SMAD2: variants seen among roughly 807,000 people sequenced by gnomAD.
The protein encoded by SMAD2 is MAD homolog 2.
SMAD2 carries 8 observed loss-of-function variants against 64.4 expected under a neutral mutation model. That is an observed-to-expected ratio of 0.12 (90% CI 0.07 to 0.22). The LOEUF (loss-of-function observed/expected upper bound fraction) is 0.22. Among genes scored for constraint, SMAD2 ranks in the 10% least tolerant of loss-of-function variants. SMAD2 has a pLI of 1.00. For synonymous variants in SMAD2, 203 were observed against 195.8 expected, an observed-to-expected ratio of 1.04 and a Z score of -0.31; for missense variants, 289 against 561.2, an observed-to-expected ratio of 0.51 and a Z score of 4.90.
Position 47,830,208 on chromosome 18 carries a change from T to G in SMAD2, c.*11619A>C, listed in dbSNP as rs1912932112. The G allele has an allele frequency of 6.6e-6, 1 of 151,970 alleles. No individual in the cohort carries two copies. The highest frequency in any genetic ancestry group is 2.4e-5 in the African/African-American group (1 of 41,358). The allele number at this position is 151,970 out of a possible 1,614,324, so 9.4% of individuals were successfully genotyped here. ...CTTGGGTAAAACAGACACTAATAAG[T>G]TTTTTTTCAATATAAAAGAGCAACC... On this transcript the variant is annotated 3_prime_UTR_variant, in exon 11 of 11. Transcript: ENST00000262160.
At chr18:47,907,752 G>A (rs2033962696) in intron 1 of SMAD2, among the ~76,000 whole-genome samples, 1 of 152,054 alleles carries the variant, frequency 6.6e-6, no homozygotes, top group Non-Finnish European at 1.5e-5. Context: ...TGGAGTTCAA[G>A]ACCAGTATGA....
Position 47,846,205 on chromosome 18 carries a change from T to C in SMAD2, c.998-405A>G, listed in dbSNP as rs191777365. On this transcript the variant is annotated intron_variant, in intron 8 of 10. Coordinates refer to ENST00000262160, the MANE Select transcript of SMAD2 (RefSeq NM_005901.6). ...CCACTTAATGTTAAGAAAAAAGATG[T>C]AAAAACATCAAAAAGTCATTTGCCA... 1.6e-4 allele frequency among the ~76,000 whole-genome samples: 24 copies of C among 152,250 alleles called. 1 individual carries two copies. Among genetic ancestry groups the C allele is most frequent in the Admixed American group, 7.2e-4 (11 of 15,288 alleles).
chr18:47,916,658 C>T lies in SMAD2; in HGVS notation c.-54+13703G>A, dbSNP rs560250687. On this transcript the variant is annotated intron_variant, in intron 1 of 10. Coordinates refer to ENST00000262160, the MANE Select transcript of SMAD2 (RefSeq NM_005901.6). ...GACTTCAAGTGATCGCCCACCTTGG[C>T]CTCCCAAAGTGGTAGCCACCATGCC... Among the ~76,000 whole-genome samples the T allele has an allele frequency of 1.6e-4, 24 of 152,006 alleles. No homozygotes were observed. In the South Asian group the frequency reaches 4.8e-3, roughly 30 times the overall value.
intron 1 of SMAD2, among the ~76,000 whole-genome samples, chr18:47,912,780 G>GT (rs1254525294): frequency 7.2e-6 from 1 of 138,278 alleles, no homozygotes; most frequent in East Asian, 2.5e-4. Context: ...ACAAGTATCT[G>GT]TATCTTTGGT....
chr18:47,897,062 T>C (rs2033470467), intron 1 of SMAD2, among the ~76,000 whole-genome samples: 1 of 152,212 alleles, frequency 6.6e-6, no homozygotes. Context: ...TAAAATCAGA[T>C]ACTTTTAACG....
chr18:47,898,192 G>C, intron 1 of SMAD2, among the ~76,000 whole-genome samples: 1 of 152,202 alleles, frequency 6.6e-6, no homozygotes, highest in South Asian at 2.1e-4. Flanking sequence ...GAGAAGATGT[G>C]AAGAAATTGT....
rs757503006 is a variant in SMAD2, at chr18:47,814,024, G to A, written c.*27803C>T. On this transcript the variant is annotated 3_prime_UTR_variant, in exon 11 of 11. Coordinates refer to ENST00000262160, the MANE Select transcript of SMAD2 (RefSeq NM_005901.6). ...GGTGATAACCTGAACTTGGCTTTGA[G>A]GAATAAAGAGTTTTATATCAGGGCA... 2.0e-5 allele frequency: 3 copies of A among 151,978 alleles called. No homozygotes were observed. In the East Asian group the frequency reaches 5.8e-4, roughly 29 times the overall value. The allele number at this position is 151,978 out of a possible 1,614,324, so 9.4% of individuals were successfully genotyped here.
intron 8 of SMAD2, among the ~76,000 whole-genome samples, chr18:47,846,965 C>G (rs939918199): frequency 1.3e-5 from 2 of 152,166 alleles, no homozygotes; most frequent in Non-Finnish European, 2.9e-5. Flanking sequence ...ATCTGTAAAA[C>G]AGTCATGCAC....
At chr18:47,913,713 C>T (rs1265916474) in intron 1 of SMAD2, among the ~76,000 whole-genome samples, 3 of 151,930 alleles carry the variant, frequency 2.0e-5, no homozygotes, top group Non-Finnish European at 2.9e-5. Context: ...AAATGAAATA[C>T]AAAAAAGAAA....
At chr18:47,893,222 G>A (rs769008659) in intron 2 of SMAD2, among the ~76,000 whole-genome samples, 3 of 152,166 alleles carry the variant, frequency 2.0e-5, no homozygotes, top group Admixed American at 6.5e-5. Flanking sequence ...GGAAGGGAGC[G>A]ACAGTGACGT....
chr18:47,887,418 T>C (rs2032969151), intron 2 of SMAD2, among the ~76,000 whole-genome samples: 1 of 152,158 alleles, frequency 6.6e-6, no homozygotes, highest in Admixed American at 6.5e-5. Context: ...GGCTGGACTG[T>C]AATCTGATGT....
rs1360970757 is a variant in SMAD2 at position 47,816,761 on chromosome 18, G to A, written c.*25066C>T. On this transcript the variant is annotated 3_prime_UTR_variant, in exon 11 of 11. Coordinates refer to ENST00000262160, the MANE Select transcript of SMAD2 (RefSeq NM_005901.6). ...TACACACGTAGTTTACCATGACATG[G>A]GTCTTTTTTTTTTTTTTTTGGAGAC... The A allele has an allele frequency of 7.1e-6, 1 of 140,810 alleles. No homozygotes were observed. The highest frequency in any genetic ancestry group is 2.6e-5 in the African/African-American group (1 of 39,172). 8.7% of individuals were successfully genotyped at this position (140,810 alleles called of 1,614,324 possible).
intron 2 of SMAD2, among the ~76,000 whole-genome samples, chr18:47,891,535 G>T (rs1241669343): frequency 1.3e-5 from 2 of 150,192 alleles, no homozygotes; most frequent in Non-Finnish European, 3.0e-5. Flanking sequence ...TTTTTTAAAG[G>T]GACAGACTCT....
At chr18:47,906,467 TATTTAGTATC>T (rs1245980007) in intron 1 of SMAD2, among the ~76,000 whole-genome samples, 1 of 151,986 alleles carries the variant, frequency 6.6e-6, no homozygotes, top group Non-Finnish European at 1.5e-5. Flanking sequence ...CATGAAGAGG[TATTTAGTATC>T]ACCAATCATC....
chr18:47,922,269 C>T (rs189879477), intron 1 of SMAD2, among the ~76,000 whole-genome samples: 5 of 152,272 alleles, frequency 3.3e-5, no homozygotes, highest in Admixed American at 1.3e-4. Flanking sequence ...TATGATGGTG[C>T]TGCCTCATCT....
chr18:47,841,778 A>C lies in SMAD2; in HGVS notation c.*49T>G. On this transcript the variant is annotated 3_prime_UTR_variant, in exon 11 of 11. Coordinates refer to ENST00000262160, the MANE Select transcript of SMAD2 (RefSeq NM_005901.6). ...TAGGGACCACACACAATGCTATGAC[A>C]GAAGAGTTGTTACATTAAGTCTTTT... The C allele has an allele frequency of 1.2e-6, 2 of 1,611,412 alleles. No homozygotes were observed. Among genetic ancestry groups the C allele is most frequent in the Non-Finnish European group, 1.7e-6 (2 of 1,177,730 alleles).
At chr18:47,911,148 G>C (rs762513424) in intron 1 of SMAD2, among the ~76,000 whole-genome samples, 2 of 151,806 alleles carry the variant, frequency 1.3e-5, no homozygotes, top group Non-Finnish European at 2.9e-5. Flanking sequence ...TCAGGCATTC[G>C]AGAACTAGCC....
intron 2 of SMAD2, chr18:47,886,819 C>T (rs573703664): frequency 4.3e-5 from 7 of 164,082 alleles, no homozygotes; most frequent in African/African-American, 1.4e-4. Flanking sequence ...ACTAACCTAC[C>T]GCTTCAAGGA....
At chr18:47,922,448 C>T (rs988325712) in intron 1 of SMAD2, 2 of 152,056 alleles carry the variant, frequency 1.3e-5, no homozygotes, top group Admixed American at 1.3e-4. Flanking sequence ...ATTTCTAAAA[C>T]AATATAGAAT....
Sources: allele counts gnomAD v4.1 joint callset (sites outside exome capture counted in the v4.1 genomes callset), GRCh38; gene constraint gnomAD v4.1.1; transcripts MANE v1.5; gene names NCBI Gene and HGNC (gene_info 2026-07-23, HGNC 2026-07-21).